The following ETFA variants were observed in gnomAD, a reference collection of about 807,000 sequenced individuals.
ETFA encodes the protein electron transfer flavoprotein subunit alpha.
ETFA carries 22 observed loss-of-function variants against 46.2 expected under a neutral mutation model. That is an observed-to-expected ratio of 0.48 (90% CI 0.34 to 0.68). The LOEUF is 0.68. ETFA is among the 30% of genes least tolerant of loss of function. The pLI is 0.01. For synonymous variants in ETFA, 131 were observed against 139.9 expected, an observed-to-expected ratio of 0.94 and a Z score of 0.45; for missense variants, 345 against 401.1, an observed-to-expected ratio of 0.86 and a Z score of 1.19.
intron 9 of ETFA, chr15:76,259,743 CG>C (rs2039384926): frequency 2.5e-6 from 4 of 1,575,686 alleles, no homozygotes; most frequent in Middle Eastern, 1.7e-4. Flanking sequence ...CAGTTCCGAG[CG>C]GCCAGGTCTC....
intron 9 of ETFA, among the ~76,000 whole-genome samples, chr15:76,266,232 C>T (rs1397629596): frequency 1.3e-5 from 2 of 151,940 alleles, no homozygotes; most frequent in Non-Finnish European, 2.9e-5. Flanking sequence ...TAAAGGATTG[C>T]TTTTTTTACC....
intron 9 of ETFA, chr15:76,260,323 G>A: frequency 7.6e-7 from 1 of 1,309,746 alleles, no homozygotes; most frequent in Non-Finnish European, 1.1e-6. Context: ...TCAAAGCCTT[G>A]CCCAAACCAC....
intron 11 of ETFA, among the ~76,000 whole-genome samples, chr15:76,225,003 GGAGT>G (rs2038990512): frequency 6.6e-6 from 1 of 151,880 alleles, no homozygotes; most frequent in South Asian, 2.1e-4. Context: ...AAGAGTGTGA[GGAGT>G]GAGAAATAAG....
chr15:76,223,457 G>A (rs889325034), intron 11 of ETFA, among the ~76,000 whole-genome samples: 12 of 151,910 alleles, frequency 7.9e-5, no homozygotes, highest in Admixed American at 3.9e-4. Context: ...TCCTGAGCTC[G>A]GGTGATCCAC....
At chr15:76,305,335 T>G (rs2039929474) in intron 1 of ETFA, among the ~76,000 whole-genome samples, 1 of 152,238 alleles carries the variant, frequency 6.6e-6, no homozygotes, top group African/African-American at 2.4e-5. Flanking sequence ...GGCACACAGT[T>G]GGCACTCAAT....
chr15:76,230,116 C>A (rs1016795566), intron 10 of ETFA: 3 of 150,952 alleles, frequency 2.0e-5, no homozygotes, highest in Non-Finnish European at 4.4e-5. Context: ...CCACTGCACT[C>A]CAGCCTGGGC....
intron 9 of ETFA, among the ~76,000 whole-genome samples, chr15:76,258,768 G>A (rs2039372351): frequency 6.6e-6 from 1 of 152,198 alleles, no homozygotes; most frequent in South Asian, 2.1e-4. Context: ...CTTCCATTAA[G>A]CCAAGGCCTA....
intron 10 of ETFA, 180 bp from the exon 11 acceptor site, chr15:76,226,109 C>T (rs942240593): frequency 1.7e-6 from 1 of 586,254 alleles, no homozygotes; most frequent in African/African-American, 1.9e-5. Flanking sequence ...TAATAAAATT[C>T]TCTCTTACCC....
chr15:76,216,468 G>A lies in ETFA; in HGVS notation c.*91C>T. 1 of 801,610 alleles carries A rather than the reference G, an allele frequency of 1.2e-6. No individual in the cohort carries two copies. Among genetic ancestry groups the A allele is most frequent in the Non-Finnish European group, 2.2e-6 (1 of 460,492 alleles). 49.7% of individuals were successfully genotyped at this position (801,610 alleles called of 1,614,324 possible). On this transcript the variant is annotated 3_prime_UTR_variant, in exon 12 of 12. Coordinates refer to ENST00000557943, the MANE Select transcript of ETFA (RefSeq NM_000126.4). ...CAAATTATGAAATGTAGCTCTCCAT[G>A]CTTTCCAATGATTGTTATAATACCC...
Position 76,235,736 on chromosome 15 carries a change from C to T in ETFA, c.817-4338G>A, listed in dbSNP as rs187567677. ...ATGGAAAAGAGGTGTGATAGAGCTA[C>T]AGTCTCTCATCAGCCCCTCACTTTC... is the stretch of plus-strand genomic sequence containing the variant. On this transcript the variant is annotated intron_variant, in intron 9 of 11. Coordinates refer to ENST00000557943, the MANE Select transcript of ETFA (RefSeq NM_000126.4). 6.6e-5 allele frequency among the ~76,000 whole-genome samples: 10 copies of T among 152,276 alleles called. No homozygotes were observed. In the East Asian group the frequency reaches 1.9e-3, roughly 29 times the overall value.
At chr15:76,256,270 A>G (rs1021693846) in intron 9 of ETFA, among the ~76,000 whole-genome samples, 4 of 151,672 alleles carry the variant, frequency 2.6e-5, no homozygotes, top group African/African-American at 9.7e-5. Context: ...AGGAAAAAAA[A>G]AAAAAAAAAA....
chr15:76,252,628 G>A (rs1181046801), intron 9 of ETFA, among the ~76,000 whole-genome samples: 1 of 152,116 alleles, frequency 6.6e-6, no homozygotes, highest in Admixed American at 6.6e-5. Flanking sequence ...CTAAAGAGAT[G>A]ACAACTAAAC....
chr15:76,218,694 C>T (rs942975383), intron 11 of ETFA, among the ~76,000 whole-genome samples: 5 of 152,204 alleles, frequency 3.3e-5, no homozygotes, highest in African/African-American at 9.7e-5. Context: ...TGTTTCTGTT[C>T]TCTTTTAGAT....
At chr15:76,288,109 A>G (rs892484987) in intron 4 of ETFA, among the ~76,000 whole-genome samples, 164 bp from the exon 5 acceptor site, 10 of 152,236 alleles carry the variant, frequency 6.6e-5, no homozygotes, top group African/African-American at 9.6e-5. Flanking sequence ...ACAGCTTTTT[A>G]AATAGCCTTT....
At chr15:76,247,561 C>T (rs995904111) in intron 9 of ETFA, among the ~76,000 whole-genome samples, 4 of 152,202 alleles carry the variant, frequency 2.6e-5, no homozygotes, top group African/African-American at 7.2e-5. Flanking sequence ...TCCCACTTCT[C>T]ACCACCAAAT....
intron 9 of ETFA, among the ~76,000 whole-genome samples, chr15:76,272,192 T>C (rs1041895115): frequency 6.6e-6 from 1 of 151,912 alleles, no homozygotes; most frequent in African/African-American, 2.4e-5. Flanking sequence ...TCTCTGTCAC[T>C]TCAGTGTATA....
intron 9 of ETFA, among the ~76,000 whole-genome samples, chr15:76,266,407 A>C (rs1379569504): frequency 6.6e-6 from 1 of 152,208 alleles, no homozygotes; most frequent in African/African-American, 2.4e-5. Flanking sequence ...AGCCAGTTGG[A>C]GAACAGTTTA....
Position 76,290,754 on chromosome 15 carries a change from A to G in ETFA, c.351+1677T>C, listed in dbSNP as rs1428598422. ...GTACTGTAATTTAAAAATCCATAGA[A>G]GGAGGCCTAAAAGAATGTACAATTG... On this transcript the variant is annotated intron_variant, in intron 4 of 11. Transcript: ENST00000557943. 2.6e-5 allele frequency among the ~76,000 whole-genome samples: 4 copies of G among 152,296 alleles called. No homozygotes were observed. In the East Asian group the frequency reaches 7.7e-4, roughly 29 times the overall value.
At chr15:76,310,369 GAAAAAAAAAA>G (rs34111559) in intron 1 of ETFA, among the ~76,000 whole-genome samples, 11 of 104,460 alleles carry the variant, frequency 1.1e-4, no homozygotes, top group South Asian at 3.0e-4. Flanking sequence ...TCCATGCCCA[GAAAAAAAAAA>G]AAAAAAAAAA....
Sources: gnomAD v4.1 joint callset for allele counts (sites outside exome capture counted in the v4.1 genomes callset) on GRCh38, gnomAD v4.1.1 for gene constraint, MANE v1.5 for transcripts, NCBI Gene and HGNC (gene_info 2026-07-23, HGNC 2026-07-21) for gene names.